Variants in TTC28 observed in about 807,000 individuals in gnomAD.
The protein encoded by TTC28 is tetratricopeptide repeat protein 28.
A neutral mutation model predicts 198.0 loss-of-function variants in TTC28; 61 were observed. That is an observed-to-expected ratio of 0.31 (90% CI 0.25 to 0.38). The LOEUF (loss-of-function observed/expected upper bound fraction) is 0.38, where lower values mean the gene tolerates loss of function less well. Among genes scored for constraint, TTC28 ranks in the 10% least tolerant of loss-of-function variants. The probability of loss-of-function intolerance (pLI) is 1.00; values close to 1 mark genes in which losing one functional copy is unlikely to be tolerated. For synonymous variants in TTC28, 1,171 were observed against 1,297.8 expected (o/e 0.90, Z 2.10); for missense variants, 2,678 against 3,164.0 (o/e 0.85, Z 3.69).
At chr22:28,087,388 T>C (rs1941647337) in intron 12 of TTC28, among the ~76,000 whole-genome samples, 1 of 152,112 alleles carries the variant, frequency 6.6e-6, no homozygotes, top group Non-Finnish European at 1.5e-5. Flanking sequence ...ATCCAGTATA[T>C]AAACAGAACC....
At chr22:28,199,859 A>T (rs1223051431) in intron 5 of TTC28, among the ~76,000 whole-genome samples, 1 of 152,068 alleles carries the variant, frequency 6.6e-6, no homozygotes, top group Non-Finnish European at 1.5e-5. Context: ...GGCAAAGGGT[A>T]CATTCATTTT....
intron 2 of TTC28, among the ~76,000 whole-genome samples, chr22:28,403,525 G>C (rs576122456): frequency 6.6e-6 from 1 of 152,090 alleles, no homozygotes; most frequent in African/African-American, 2.4e-5. Context: ...TTCTGTTTTA[G>C]GTCCTCTATA....
chr22:27,990,960 A>AAG (rs995496774), intron 19 of TTC28, 148 bp from the exon 20 acceptor site: 33 of 778,200 alleles, frequency 4.2e-5, no homozygotes, highest in Admixed American at 7.6e-5. Flanking sequence ...GGAGAGGAGC[A>AAG]AGAGTCAGCA....
In TTC28 at chr22:28,194,525, G is replaced by C. The variant is rs113073555; in HGVS notation, c.934-30926C>G. Among the ~76,000 whole-genome samples, 5 of 152,118 alleles carry C rather than the reference G, an allele frequency of 3.3e-5. No homozygotes were observed. In the South Asian group the frequency reaches 1.0e-3, roughly 32 times the overall value. On this transcript the variant is annotated intron_variant, in intron 5 of 22. Transcript: ENST00000397906. ...TTTTTGAAAAGATCAACAAAATTGA[G>C]AGACCGCTAGCAAGACTAATAAAGA...
At chr22:28,402,394 G>C (rs1311978081) in intron 2 of TTC28, among the ~76,000 whole-genome samples, 1 of 152,170 alleles carries the variant, frequency 6.6e-6, no homozygotes. Flanking sequence ...CAATAAATAA[G>C]ACCTATTAAC....
intron 5 of TTC28, among the ~76,000 whole-genome samples, chr22:28,227,596 A>G (rs1928441529): frequency 6.6e-6 from 1 of 152,222 alleles, no homozygotes; most frequent in Non-Finnish European, 1.5e-5. Context: ...TAAATAGCTA[A>G]TAAGCACATA....
intron 1 of TTC28, among the ~76,000 whole-genome samples, chr22:28,638,640 C>A (rs1040900807): frequency 2.4e-4 from 37 of 152,084 alleles, no homozygotes; most frequent in African/African-American, 8.9e-4. Context: ...AAAGGACATA[C>A]ACAGACAAAT....
chr22:28,309,545 A>G (rs529546644), intron 2 of TTC28, among the ~76,000 whole-genome samples: 1 of 152,356 alleles, frequency 6.6e-6, no homozygotes, highest in East Asian at 1.9e-4. Context: ...ACCTGCCAAT[A>G]GCCTATCTGC....
intron 5 of TTC28, among the ~76,000 whole-genome samples, chr22:28,230,363 G>C (rs1207175365): frequency 2.6e-5 from 4 of 152,196 alleles, no homozygotes; most frequent in Non-Finnish European, 2.9e-5. Flanking sequence ...AAAGCTTACT[G>C]ATCCTGCTGA....
intron 2 of TTC28, among the ~76,000 whole-genome samples, chr22:28,601,285 C>T (rs75873242): frequency 0.013 from 1,968 of 151,894 alleles, 12 homozygotes; most frequent in Non-Finnish European, 0.02. Flanking sequence ...AAATGGTAGC[C>T]CATGATTTCA....
intron 2 of TTC28, among the ~76,000 whole-genome samples, chr22:28,611,504 A>T (rs10460761): frequency 1.1e-4 from 5 of 44,960 alleles, no homozygotes; most frequent in Non-Finnish European, 1.6e-4. Context: ...CCTTTTTTTT[A>T]ATTTTTTTTT....
intron 2 of TTC28, among the ~76,000 whole-genome samples, chr22:28,394,181 T>C (rs1379743578): frequency 6.6e-6 from 1 of 152,206 alleles, no homozygotes; most frequent in Non-Finnish European, 1.5e-5. Context: ...GTGTTCTGGG[T>C]ACCATGGGTC....
At chr22:28,405,470 G>A (rs977751313) in intron 2 of TTC28, among the ~76,000 whole-genome samples, 1 of 152,150 alleles carries the variant, frequency 6.6e-6, no homozygotes, top group East Asian at 1.9e-4. Context: ...AAGGTAGAAA[G>A]CATGACCTAC....
chr22:28,031,482 T>C (rs953777035), intron 12 of TTC28, among the ~76,000 whole-genome samples: 18 of 152,216 alleles, frequency 1.2e-4, no homozygotes, highest in African/African-American at 4.1e-4. Flanking sequence ...GCCCCTCATG[T>C]GCTAGGCAGG....
intron 2 of TTC28, among the ~76,000 whole-genome samples, chr22:28,590,034 C>CAAAAAAAAAAAAAAAAAAA (rs71194779): frequency 6.8e-4 from 46 of 68,074 alleles, no homozygotes; most frequent in Non-Finnish European, 1.0e-3. Context: ...AAGACTCCAT[C>CAAAAAAAAAAAAAAAAAAA]AAAAAAAAAA....
At chr22:28,647,596 T>C (rs1016846743) in intron 1 of TTC28, among the ~76,000 whole-genome samples, 1 of 152,134 alleles carries the variant, frequency 6.6e-6, no homozygotes, top group African/African-American at 2.4e-5. Flanking sequence ...TCTCAGCACT[T>C]TGGGAGGCCA....
At chr22:28,220,454 T>C (rs991385695) in intron 5 of TTC28, among the ~76,000 whole-genome samples, 3 of 152,344 alleles carry the variant, frequency 2.0e-5, no homozygotes, top group East Asian at 1.9e-4. Flanking sequence ...GAGGATCTGC[T>C]TCCCTGCTTG....
chr22:28,646,967 G>T (rs563403488), intron 1 of TTC28, among the ~76,000 whole-genome samples: 1 of 152,156 alleles, frequency 6.6e-6, no homozygotes, highest in African/African-American at 2.4e-5. Context: ...GCATTACATT[G>T]TTGGACTTCA....
chr22:28,519,978 G>C (rs2048869400), intron 2 of TTC28, among the ~76,000 whole-genome samples: 1 of 152,132 alleles, frequency 6.6e-6, no homozygotes, highest in Admixed American at 6.5e-5. Context: ...AAGAGAAAGA[G>C]AGAGAGTCCT....
Sources: gnomAD v4.1 joint callset for allele counts (sites outside exome capture counted in the v4.1 genomes callset) on GRCh38, gnomAD v4.1.1 for gene constraint, MANE v1.5 for transcripts, NCBI Gene and HGNC (gene_info 2026-07-23, HGNC 2026-07-21) for gene names.